Variants in CLCN6 observed in about 807,000 individuals in gnomAD.
CLCN6 encodes the protein Cl-/H+ antiporter 6.
A neutral mutation model predicts 109.8 loss-of-function variants in CLCN6; 70 were observed. The ratio of observed to expected loss-of-function variants is 0.64; its 90% confidence interval spans 0.53 to 0.78. CLCN6 has a LOEUF of 0.78. CLCN6 is among the 30% of genes least tolerant of loss of function. The pLI, the probability that CLCN6 is intolerant of heterozygous loss-of-function variation, is 0.00. For synonymous variants in CLCN6, 444 were observed against 447.8 expected, an observed-to-expected ratio of 0.99 and a Z score of 0.11; for missense variants, 984 against 1,142.3, an observed-to-expected ratio of 0.86 and a Z score of 2.00.
At chr1:11,826,054 C>T in intron 8 of CLCN6, 102 bp from the exon 9 acceptor site, 1 of 879,712 alleles carries the variant, frequency 1.1e-6, no homozygotes, top group Non-Finnish European at 1.8e-6. Flanking sequence ...CTAGGCTGCC[C>T]CTGACCTGTG....
intron 2 of CLCN6, among the ~76,000 whole-genome samples, chr1:11,809,522 G>C (rs562080220): frequency 6.6e-6 from 1 of 152,010 alleles, no homozygotes; most frequent in Non-Finnish European, 1.5e-5. Context: ...GTACGGTCTT[G>C]GATCACTGCG....
chr1:11,840,124 G>A lies in CLCN6; in HGVS notation c.2530-19G>A, dbSNP rs1254480075. ...CGGGTTTTACCCTGAAGGTGACTCA[G>A]GCCTTCTCTTTGCCCTAGATCGTGG... On this transcript the variant is annotated intron_variant, in intron 22 of 22. Coordinates refer to ENST00000346436, the MANE Select transcript of CLCN6 (RefSeq NM_001286.5). The A allele has an allele frequency of 4.3e-6, 7 of 1,610,408 alleles. No homozygotes were observed. Among genetic ancestry groups the A allele is most frequent in the Admixed American group, 1.7e-5 (1 of 59,994 alleles).
intron 22 of CLCN6, chr1:11,839,101 A>C (rs1045881595): frequency 1.2e-5 from 7 of 588,200 alleles, no homozygotes; most frequent in Admixed American, 9.2e-5. Flanking sequence ...TTATTTTCTT[A>C]TTACACAAAT....
intron 12 of CLCN6, 67 bp from the exon 13 acceptor site, chr1:11,829,127 TTA>T: frequency 6.3e-7 from 1 of 1,581,218 alleles, no homozygotes; most frequent in Non-Finnish European, 8.6e-7. Context: ...GTAGGCAGGG[TTA>T]TGTTTTGAAT....
rs1644915057 is a variant in CLCN6, at chr1:11,834,105, T to C, written c.1526+75T>C. The C allele has an allele frequency of 1.3e-6, 2 of 1,595,072 alleles. No homozygotes were observed. Among genetic ancestry groups the C allele is most frequent in the Non-Finnish European group, 1.7e-6 (2 of 1,170,926 alleles). On this transcript the variant is annotated intron_variant, in intron 15 of 22. Coordinates refer to ENST00000346436, the MANE Select transcript of CLCN6 (RefSeq NM_001286.5). The surrounding 1 kb of genome is among the most constrained non-coding windows in gnomAD (Gnocchi z 4.5). ...GTGCGTGTGTATGCATGTGTGTGCGTGTGCGTGCGTTGATGTGTCTGTGCC... is the reference window on the plus strand; with the variant it reads ...GTGCGTGTGTATGCATGTGTGTGCGCGTGCGTGCGTTGATGTGTCTGTGCC...
chr1:11,809,434 A>C (rs887743555), intron 2 of CLCN6, among the ~76,000 whole-genome samples: 1 of 152,072 alleles, frequency 6.6e-6, no homozygotes, highest in Admixed American at 6.5e-5. Context: ...GCTGATATGC[A>C]TATTCATGTA....
chr1:11,819,322 TCTC>T (rs764486612), intron 4 of CLCN6, among the ~76,000 whole-genome samples, 163 bp from the exon 5 acceptor site: 1 of 152,186 alleles, frequency 6.6e-6, no homozygotes, highest in Non-Finnish European at 1.5e-5. Context: ...GGAGAAGGGA[TCTC>T]CTCCTTCTGC....
chr1:11,818,258 C>T (rs1032250430), intron 4 of CLCN6, among the ~76,000 whole-genome samples: 1 of 152,092 alleles, frequency 6.6e-6, no homozygotes, highest in Non-Finnish European at 1.5e-5. Context: ...TGCCACTTGT[C>T]AGTACTACAG....
intron 2 of CLCN6, among the ~76,000 whole-genome samples, chr1:11,815,049 AAGTGG>A (rs1644652403): frequency 6.8e-6 from 1 of 147,760 alleles, no homozygotes; most frequent in Non-Finnish European, 1.5e-5. Flanking sequence ...AAAAAAAAAA[AAGTGG>A]AAGTTGCTTT....
chr1:11,810,461 A>T (rs1262042970), intron 2 of CLCN6, among the ~76,000 whole-genome samples: 1 of 152,162 alleles, frequency 6.6e-6, no homozygotes, highest in South Asian at 2.1e-4. Context: ...CCTAGCTCAC[A>T]ACCAGTTGAA....
chr1:11,826,652 A>G (rs889690081), intron 9 of CLCN6, among the ~76,000 whole-genome samples: 5 of 152,206 alleles, frequency 3.3e-5, no homozygotes, highest in African/African-American at 1.2e-4. Context: ...GACTCAGTTT[A>G]GAGTCACGGA....
At chr1:11,823,933 C>A in intron 7 of CLCN6, 100 bp downstream of exon 7, 2 of 1,469,548 alleles carry the variant, frequency 1.4e-6, no homozygotes, top group South Asian at 1.3e-5. Flanking sequence ...CAGGGCCCAG[C>A]CTCAAACAGC....
intron 19 of CLCN6, 44 bp downstream of exon 19, chr1:11,837,200 C>T (rs371629921): frequency 1.8e-5 from 29 of 1,607,408 alleles, no homozygotes; most frequent in African/African-American, 1.5e-4. Flanking sequence ...GGCTACACAG[C>T]GGTGGGGTGA....
Position 11,842,495 on chromosome 1 carries a change from T to G in CLCN6, c.*2272T>G, listed in dbSNP as rs1236853213. ...ACTCATGACAAATCAACTGTGACCC[T>G]CGCTCCTTCCATTTCTGTCCATTAG... On this transcript the variant is annotated 3_prime_UTR_variant, in exon 23 of 23. Coordinates refer to ENST00000346436, the MANE Select transcript of CLCN6 (RefSeq NM_001286.5). 1 of 152,710 alleles carries G rather than the reference T, an allele frequency of 6.5e-6. No individual in the cohort carries two copies. The highest frequency in any genetic ancestry group is 1.5e-5 in the Non-Finnish European group (1 of 68,092). 9.5% of individuals were successfully genotyped at this position (152,710 alleles called of 1,614,324 possible). A position where few individuals can be genotyped will look rare whatever the true frequency, so the allele number is the denominator to read the frequency against.
At chr1:11,821,149 A>G (rs929507533) in intron 5 of CLCN6, among the ~76,000 whole-genome samples, 1 of 152,204 alleles carries the variant, frequency 6.6e-6, no homozygotes, top group Non-Finnish European at 1.5e-5. Flanking sequence ...TTGTATTTAT[A>G]AAGACAAAAA....
chr1:11,808,998 A>G (rs916064054), intron 2 of CLCN6, among the ~76,000 whole-genome samples: 6 of 151,818 alleles, frequency 4.0e-5, no homozygotes, highest in African/African-American at 1.4e-4. Flanking sequence ...AGTAGATGGG[A>G]TTACAGGCGC....
In CLCN6 at chr1:11,836,100, G is replaced by A. The variant is rs1464487665; in HGVS notation, c.1927G>A (p.Glu643Lys). ...GGTGGTCACAGAGAACCGCGGTAAC[G>A]AGAAGGAGTTCATGAAGGGCAACCA... ...FPVVTENRGN[E>K]KEFMKGNQLI... Residue 643 changes from glutamate to lysine, a missense_variant, in exon 18 of 23, where the codon GAG becomes AAG. Glu to Lys is a moderately conservative substitution (Grantham distance 56, BLOSUM62 1). Coordinates refer to ENST00000346436, the MANE Select transcript of CLCN6 (RefSeq NM_001286.5). 4.3e-6 allele frequency: 7 copies of A among 1,613,800 alleles called. No homozygotes were observed. The Admixed American group carries it at 5.0e-5, about 12-fold the overall frequency.
Position 11,836,888 on chromosome 1 carries a change from C to T in CLCN6, c.1981-111C>T, listed in dbSNP as rs1644956906. The T allele has an allele frequency of 5.5e-6, 7 of 1,269,044 alleles. No homozygotes were observed. The South Asian group carries it at 9.9e-5, about 18-fold the overall frequency. The allele number at this position is 1,269,044 out of a possible 1,614,324, so 78.6% of individuals were successfully genotyped here. A position where few individuals can be genotyped will look rare whatever the true frequency, so the allele number is the denominator to read the frequency against. On this transcript the variant is annotated intron_variant, in intron 18 of 22. Transcript: ENST00000346436. Reference sequence around the variant, plus strand: ...TTTGAACCTCAGCCCCATTAAGTTCCTGCGTCCGGATGTGCTTCTGACCCT... The same window carrying T: ...TTTGAACCTCAGCCCCATTAAGTTCTTGCGTCCGGATGTGCTTCTGACCCT...
At position 11,828,620 on chromosome 1, in the gene CLCN6, G is replaced by A. The variant is rs371436093; in HGVS notation, c.1117G>A (p.Val373Ile). 1.6e-5 allele frequency: 26 copies of A among 1,606,450 alleles called. No homozygotes were observed. The highest frequency in any genetic ancestry group is 5.6e-5 in the South Asian group (5 of 89,880). ...MRNVHPKPKLVRVLESLLVSL... is the reference protein window; with the variant it reads ...MRNVHPKPKLIRVLESLLVSL... ...AAACGTGCACCCGAAACCTAAGCTC[G>A]TCAGGTATCTGCACAGTCGCCTCCC... Residue 373 changes from valine to isoleucine, a missense_variant, in exon 12 of 23, where the codon GTC becomes ATC. Val to Ile is a conservative substitution (Grantham distance 29). Transcript: ENST00000346436.
Sources: allele counts gnomAD v4.1 joint callset (sites outside exome capture counted in the v4.1 genomes callset), GRCh38; gene constraint gnomAD v4.1.1; non-coding constraint Gnocchi (gnomAD v3.1); transcripts MANE v1.5; gene names NCBI Gene and HGNC (gene_info 2026-07-23, HGNC 2026-07-21).